Variants in STX1A observed in about 807,000 individuals in gnomAD.
The protein encoded by STX1A is syntaxin 1A, also known as syntaxin-1A.
A neutral mutation model predicts 37.8 loss-of-function variants in STX1A; 4 were observed. The ratio of observed to expected loss-of-function variants is 0.11; its 90% CI spans 0.05 to 0.24. The LOEUF (loss-of-function observed/expected upper bound fraction) is 0.24. Among genes scored for constraint, STX1A ranks in the 10% least tolerant of loss-of-function variants. STX1A has a pLI of 1.00. For missense variants in STX1A, 251 were observed against 399.9 expected (o/e 0.63, Z 3.18); for synonymous variants, 135 against 147.4 (o/e 0.92, Z 0.61).
chr7:73,712,361 A>C (rs1584254699), intron 1 of STX1A, among the ~76,000 whole-genome samples: 2 of 101,516 alleles, frequency 2.0e-5, no homozygotes, highest in South Asian at 3.1e-4. Flanking sequence ...CCTACAATCC[A>C]CCCTCTGCCC....
intron 7 of STX1A, chr7:73,703,481 A>C: frequency 1.5e-6 from 1 of 662,414 alleles, no homozygotes; most frequent in Non-Finnish European, 2.8e-6. Context: ...CAGGAGAGGA[A>C]AAGGGCCCAC....
Position 73,702,037 on chromosome 7 carries a change from C to T in STX1A, c.678+808G>A, listed in dbSNP as rs782049804. The stretch of plus-strand genomic sequence containing the variant: ...CACCTCGTCTCCAGCTTCATCTCAG[C>T]TCCGACCACTCCTTGTGCCCCAGCA... On this transcript the variant is annotated intron_variant, in intron 8 of 9. Transcript: ENST00000222812. The surrounding 1 kb of genome is among the most constrained non-coding windows in gnomAD (Gnocchi z 4.7). Among the ~76,000 whole-genome samples, 20 of 152,238 alleles carry T rather than the reference C, an allele frequency of 1.3e-4. No homozygotes were observed. Among genetic ancestry groups the T allele is most frequent in the Admixed American group, 5.2e-4 (8 of 15,284 alleles).
In STX1A at chr7:73,717,096, G is replaced by A. The variant is rs1383526977; in HGVS notation, c.30+2506C>T. Among the ~76,000 whole-genome samples the A allele has an allele frequency of 2.0e-5, 3 of 152,034 alleles. No individual in the cohort carries two copies. The highest frequency in any genetic ancestry group is 2.9e-5 in the Non-Finnish European group (2 of 68,010). On this transcript the variant is annotated intron_variant, in intron 1 of 9. Coordinates refer to ENST00000222812, the MANE Select transcript of STX1A (RefSeq NM_004603.4). This position sits in a 1 kb window ranked among gnomAD's most constrained non-coding sequence, Gnocchi z 4.1. The stretch of plus-strand genomic sequence containing the variant: ...GAGGGCTGGGCCGGGCCTGCAGAGT[G>A]AGGAAACGCGCCAGCTCCTTCCCCA...
At chr7:73,718,272 G>A (rs900162210) in intron 1 of STX1A, among the ~76,000 whole-genome samples, 6 of 152,260 alleles carry the variant, frequency 3.9e-5, no homozygotes, top group African/African-American at 1.4e-4. Context: ...GGAATAACAG[G>A]TCTGGAGGCA....
chr7:73,713,045 G>A (rs1031785026), intron 1 of STX1A, among the ~76,000 whole-genome samples: 18 of 152,182 alleles, frequency 1.2e-4, no homozygotes, highest in African/African-American at 3.1e-4. Flanking sequence ...AAAGCCCCAA[G>A]CCCTTCCCAA....
Position 73,702,850 on chromosome 7 carries a change from T to C in STX1A, c.673A>G (p.Ser225Gly). ...MFMDMAMLVE[S>G]QGEMIDRIEY... is the part of the protein sequence containing the mutation. Reference sequence around the variant, plus strand: ...CAGGGGGGCCCGGCACTCACCTGGCTCTCCACGAGCATGGCCATGTCCATG... The same window carrying C: ...CAGGGGGGCCCGGCACTCACCTGGCCCTCCACGAGCATGGCCATGTCCATG... The change falls in exon 8 of 10, where the codon AGC becomes GGC. Residue 225 changes from serine (S) to glycine (G), a missense_variant. Ser to Gly is a moderately conservative substitution (Grantham distance 56, BLOSUM62 0). This residue lies in a region of STX1A where 214 missense variants were observed against 367.6 expected (regional missense o/e 0.58). Transcript: ENST00000222812. The surrounding 1 kb of genome is among the most constrained non-coding windows in gnomAD (Gnocchi z 4.7). 1 of 1,613,840 alleles carries C rather than the reference T, an allele frequency of 6.2e-7. No homozygotes were observed. Among genetic ancestry groups the C allele is most frequent in the Non-Finnish European group, 8.5e-7 (1 of 1,179,968 alleles).
At chr7:73,703,632 T>G (rs1244914902) in intron 7 of STX1A, 123 bp downstream of exon 7, 28 of 1,174,956 alleles carry the variant, frequency 2.4e-5, no homozygotes, top group Admixed American at 3.6e-5. Flanking sequence ...GGACTCTTCC[T>G]TCCCTAAAAC....
intron 1 of STX1A, among the ~76,000 whole-genome samples, chr7:73,715,515 A>G (rs1402216037): frequency 6.6e-6 from 1 of 152,064 alleles, no homozygotes; most frequent in Non-Finnish European, 1.5e-5. Context: ...GACTGCTAGG[A>G]AGAACAGACC....
chr7:73,708,261 T>C (rs1554617344), intron 3 of STX1A, among the ~76,000 whole-genome samples: 2 of 73,626 alleles, frequency 2.7e-5, no homozygotes, highest in East Asian at 4.2e-4. Context: ...AGACTCCATC[T>C]CAAAAAAAAA....
chr7:73,703,495 TAAG>T (rs1798742973), intron 7 of STX1A: 1 of 673,264 alleles, frequency 1.5e-6, no homozygotes, highest in African/African-American at 1.8e-5. Context: ...GGCCCACGGA[TAAG>T]AGGAGGAGCC....
At chr7:73,701,847 T>A (rs550974104) in intron 8 of STX1A, among the ~76,000 whole-genome samples, 123 of 152,284 alleles carry the variant, frequency 8.1e-4, no homozygotes, top group African/African-American at 2.7e-3. Context: ...CCCAGCACTT[T>A]GGGAGGCTGA....
intron 1 of STX1A, among the ~76,000 whole-genome samples, chr7:73,714,873 C>T (rs782363276): frequency 6.6e-6 from 1 of 152,012 alleles, no homozygotes; most frequent in Non-Finnish European, 1.5e-5. Flanking sequence ...TGCCTTAATC[C>T]CAGCACTTCG....
At chr7:73,712,325 C>T (rs545662273) in intron 1 of STX1A, among the ~76,000 whole-genome samples, 5 of 150,522 alleles carry the variant, frequency 3.3e-5, no homozygotes, top group African/African-American at 1.2e-4. Context: ...GACCCCACTC[C>T]CCCACACCTA....
chr7:73,713,467 G>A lies in STX1A; in HGVS notation c.31-4345C>T, dbSNP rs141540325. On this transcript the variant is annotated intron_variant, in intron 1 of 9. Transcript: ENST00000222812. ...AAAGTGGCCAAGCATGATGGCTCAC[G>A]CCGGTAATCTCAGCACTTTGGGAGG... Among the ~76,000 whole-genome samples the A allele has an allele frequency of 9.5e-4, 144 of 152,330 alleles. No individual in the cohort carries two copies. The Middle Eastern group carries it at 0.01, about 11-fold the overall frequency.
intron 3 of STX1A, 123 bp downstream of exon 3, chr7:73,708,466 C>T (rs942819946): frequency 2.0e-5 from 18 of 922,794 alleles, no homozygotes; most frequent in African/African-American, 4.9e-5. Context: ...GACCCTGGCC[C>T]GCCCAGACAC....
In STX1A at chr7:73,704,272, G is replaced by A; in HGVS notation, c.358-16C>T. 2 of 1,614,020 alleles carry A rather than the reference G, an allele frequency of 1.2e-6. No individual in the cohort carries two copies. Among genetic ancestry groups the A allele is most frequent in the Non-Finnish European group, 1.7e-6 (2 of 1,179,960 alleles). On this transcript the variant is annotated splice_polypyrimidine_tract_variant and intron_variant, in intron 5 of 9. Coordinates refer to ENST00000222812, the MANE Select transcript of STX1A (RefSeq NM_004603.4). ...GCGTGGAGTGCTGGGGGCCCGAGAT[G>A]GAGGTGCAGGGGTCAGGCCCTGCGG...
Position 73,702,770 on chromosome 7 carries a change from C to T in STX1A, c.678+75G>A. 6.2e-7 allele frequency: 1 copy of T among 1,602,792 alleles called. No homozygotes were observed. The highest frequency in any genetic ancestry group is 1.1e-5 in the South Asian group (1 of 90,526). ...CTCCCCGGCAGGGCAGCGTGTCGGG[C>T]AGAAAGGGCGAGGTTAGTGCAGCCC... On this transcript the variant is annotated intron_variant, in intron 8 of 9. Coordinates refer to ENST00000222812, the MANE Select transcript of STX1A (RefSeq NM_004603.4). This position sits in a 1 kb window ranked among gnomAD's most constrained non-coding sequence, Gnocchi z 4.7.
chr7:73,703,338 T>C (rs782239230), intron 7 of STX1A: 4 of 558,512 alleles, frequency 7.2e-6, no homozygotes, highest in East Asian at 8.1e-5. Context: ...TTCCCCCACA[T>C]TGAATGTGAC....
intron 1 of STX1A, among the ~76,000 whole-genome samples, chr7:73,718,193 C>T (rs1407966240): frequency 4.6e-5 from 7 of 152,144 alleles, no homozygotes; most frequent in African/African-American, 7.2e-5. Context: ...AGCCCATATG[C>T]GACTTGAGGG....
Sources: gnomAD v4.1 joint callset for allele counts (sites outside exome capture counted in the v4.1 genomes callset) on GRCh38, gnomAD v4.1.1 for gene constraint, gnomAD v4.1.1 regional missense constraint, Gnocchi (gnomAD v3.1) non-coding constraint, MANE v1.5 for transcripts, NCBI Gene and HGNC (gene_info 2026-07-23, HGNC 2026-07-21) for gene names.